The following TMEM45A variants were observed in gnomAD, a reference collection of about 807,000 sequenced individuals.
TMEM45A encodes the protein DNA polymerase-transactivated protein 4.
A neutral mutation model predicts 32.0 loss-of-function variants in TMEM45A; 25 were observed. That is an observed-to-expected ratio of 0.78 (90% confidence interval 0.57 to 1.09). The LOEUF is 1.09. TMEM45A is among the 50% of genes least tolerant of loss of function. TMEM45A has a pLI of 0.00. For missense variants in TMEM45A, 302 were observed against 325.0 expected (o/e 0.93, Z 0.54); for synonymous variants, 122 against 114.8 (o/e 1.06, Z -0.40).
intron 1 of TMEM45A, among the ~76,000 whole-genome samples, chr3:100,529,392 T>G (rs73139204): frequency 0.21 from 31,309 of 152,058 alleles, 4,073 homozygotes; most frequent in Non-Finnish European, 0.29. Context: ...AAGCAGCTCC[T>G]GGGTAGCGGG....
chr3:100,500,248 T>A (rs1707990876), intron 1 of TMEM45A, among the ~76,000 whole-genome samples: 1 of 152,186 alleles, frequency 6.6e-6, no homozygotes, highest in Non-Finnish European at 1.5e-5. Context: ...GTTCAGACCT[T>A]GTTTTTTTAA....
intron 4 of TMEM45A, among the ~76,000 whole-genome samples, 165 bp from the exon 5 acceptor site, chr3:100,568,657 C>A (rs1706492469): frequency 3.9e-5 from 6 of 152,150 alleles, no homozygotes; most frequent in Admixed American, 6.5e-5. Context: ...ATTAGAGACT[C>A]TCTATATTAC....
At chr3:100,513,254 G>A (rs895401860) in intron 1 of TMEM45A, among the ~76,000 whole-genome samples, 1 of 152,052 alleles carries the variant, frequency 6.6e-6, no homozygotes, top group Non-Finnish European at 1.5e-5. Flanking sequence ...GAATCCAGCA[G>A]CACATCTAAA....
At chr3:100,530,307 TG>T (rs1705622329) in intron 1 of TMEM45A, among the ~76,000 whole-genome samples, 1 of 152,266 alleles carries the variant, frequency 6.6e-6, no homozygotes, top group Non-Finnish European at 1.5e-5. Flanking sequence ...GGCCTGGAGC[TG>T]GGGACCCAGA....
chr3:100,500,633 C>A (rs369940264), intron 1 of TMEM45A, among the ~76,000 whole-genome samples: 12 of 152,160 alleles, frequency 7.9e-5, no homozygotes, highest in African/African-American at 2.9e-4. Context: ...AATCCTTTCC[C>A]GCATCCACCC....
At position 100,577,074 on chromosome 3, in the gene TMEM45A, G is replaced by T; in HGVS notation, c.*56G>T. On this transcript the variant is annotated 3_prime_UTR_variant, in exon 6 of 6. Transcript: ENST00000323523. ...ACCTTTTCTTTTTTACATTGTTCTT[G>T]GTTTTGTTTCTCGATCTTTTGTTTG... is the stretch of plus-strand genomic sequence containing the variant. 1.3e-5 allele frequency: 19 copies of T among 1,455,386 alleles called. No homozygotes were observed. Among genetic ancestry groups the T allele is most frequent in the South Asian group, 2.4e-5 (2 of 84,046 alleles). 90.2% of individuals were successfully genotyped at this position (1,455,386 alleles called of 1,614,324 possible).
chr3:100,497,102 C>T (rs957529741), intron 1 of TMEM45A, among the ~76,000 whole-genome samples: 1 of 152,158 alleles, frequency 6.6e-6, no homozygotes, highest in African/African-American at 2.4e-5. Flanking sequence ...ATTGAATCAA[C>T]TTTAAAATAT....
intron 1 of TMEM45A, among the ~76,000 whole-genome samples, chr3:100,551,035 A>G (rs1375381765): frequency 2.5e-5 from 3 of 119,440 alleles, no homozygotes; most frequent in Admixed American, 1.9e-4. Context: ...TTTTTTTGAG[A>G]CGGAGTCTCC....
At chr3:100,522,190 T>C (rs1705448992) in intron 1 of TMEM45A, among the ~76,000 whole-genome samples, 2 of 152,176 alleles carry the variant, frequency 1.3e-5, no homozygotes, top group African/African-American at 4.8e-5. Context: ...GAGTAATTCT[T>C]CCCTGGACCA....
intron 1 of TMEM45A, among the ~76,000 whole-genome samples, chr3:100,529,279 ACCTCAT>A (rs764127706): frequency 9.2e-5 from 14 of 152,206 alleles, no homozygotes; most frequent in Non-Finnish European, 1.8e-4. Context: ...ACACTGCTTT[ACCTCAT>A]TCTTTCTTTC....
chr3:100,508,072 C>T (rs375672665), intron 1 of TMEM45A, among the ~76,000 whole-genome samples: 4 of 151,868 alleles, frequency 2.6e-5, no homozygotes, highest in East Asian at 1.9e-4. Context: ...CAGCTGAGAT[C>T]GGAGCCAGGA....
chr3:100,518,030 G>C (rs886772919), intron 1 of TMEM45A, among the ~76,000 whole-genome samples: 1 of 152,210 alleles, frequency 6.6e-6, no homozygotes, highest in Non-Finnish European at 1.5e-5. Flanking sequence ...TTGATTGGGC[G>C]TGGTTATGGG....
chr3:100,541,363 G>C (rs747052326), intron 1 of TMEM45A, among the ~76,000 whole-genome samples: 4 of 151,938 alleles, frequency 2.6e-5, no homozygotes, highest in African/African-American at 4.8e-5. Context: ...TGTTTTTGTC[G>C]CAATTGTTTT....
intron 1 of TMEM45A, among the ~76,000 whole-genome samples, chr3:100,543,655 A>G (rs1576281233): frequency 6.6e-6 from 1 of 152,180 alleles, no homozygotes; most frequent in Admixed American, 6.5e-5. Context: ...TGAATTGTCT[A>G]TTCTTATTTT....
At chr3:100,575,802 G>C (rs186746400) in intron 5 of TMEM45A, among the ~76,000 whole-genome samples, 1 of 152,204 alleles carries the variant, frequency 6.6e-6, no homozygotes, top group African/African-American at 2.4e-5. Context: ...CCCTGGAAGG[G>C]GCTAGTAGCA....
At chr3:100,512,830 G>A (rs1390588661) in intron 1 of TMEM45A, among the ~76,000 whole-genome samples, 1 of 151,856 alleles carries the variant, frequency 6.6e-6, no homozygotes, top group South Asian at 2.1e-4. Context: ...ACTACCATCA[G>A]AGAATACTAC....
rs187845161 is a variant in TMEM45A at position 100,538,095 on chromosome 3, G to A, written c.-3-17114G>A. Among the ~76,000 whole-genome samples the A allele has an allele frequency of 7.9e-5, 12 of 152,316 alleles. No homozygotes were observed. The East Asian group carries it at 1.9e-3, about 24-fold the overall frequency. On this transcript the variant is annotated intron_variant, in intron 1 of 5. Coordinates refer to ENST00000323523, the MANE Select transcript of TMEM45A (RefSeq NM_018004.3). Reference sequence around the variant, plus strand: ...AGAGAGTGAGATTTGTTTGTCATCAGAATGGGTTATTAAAGCACTTGGAGG... The same window carrying A: ...AGAGAGTGAGATTTGTTTGTCATCAAAATGGGTTATTAAAGCACTTGGAGG...
intron 1 of TMEM45A, among the ~76,000 whole-genome samples, chr3:100,534,882 G>C (rs918639107): frequency 1.3e-5 from 2 of 152,162 alleles, no homozygotes; most frequent in African/African-American, 4.8e-5. Flanking sequence ...AGATGTCCTT[G>C]AGGGCAGGAC....
At chr3:100,500,302 T>G (rs967760269) in intron 1 of TMEM45A, among the ~76,000 whole-genome samples, 2 of 152,244 alleles carry the variant, frequency 1.3e-5, no homozygotes, top group African/African-American at 2.4e-5. Flanking sequence ...GTCTGTCCAC[T>G]GAGACCCAGA....
Sources: allele counts gnomAD v4.1 joint callset (sites outside exome capture counted in the v4.1 genomes callset), GRCh38; gene constraint gnomAD v4.1.1; transcripts MANE v1.5; gene names NCBI Gene and HGNC (gene_info 2026-07-23, HGNC 2026-07-21).